The following NAV3 variants were observed in gnomAD, a reference collection of about 807,000 sequenced individuals.
The protein encoded by NAV3 is pore membrane and/or filament interacting like protein 1.
A neutral mutation model predicts 244.7 loss-of-function variants in NAV3; 87 were observed. That is an observed-to-expected ratio of 0.36 (90% confidence interval 0.30 to 0.42). NAV3 has a LOEUF of 0.42. NAV3 is among the 20% of genes least tolerant of loss of function. The pLI is 1.00. For missense variants in NAV3, 2,663 were observed against 2,893.3 expected (o/e 0.92, Z 1.83); for synonymous variants, 1,126 against 1,042.2 (o/e 1.08, Z -1.55).
intron 2 of NAV3, among the ~76,000 whole-genome samples, chr12:77,825,173 C>T (rs1872923601): frequency 1.3e-5 from 2 of 152,148 alleles, no homozygotes; most frequent in South Asian, 2.1e-4. Flanking sequence ...CAAACAAAAG[C>T]TGAGACAGTT....
intron 1 of NAV3, among the ~76,000 whole-genome samples, chr12:77,879,739 A>C (rs1242715614): frequency 6.6e-6 from 1 of 151,108 alleles, no homozygotes; most frequent in African/African-American, 2.4e-5. Flanking sequence ...AAAACTATCT[A>C]CAAGTACTAT....
At chr12:78,111,637 A>T (rs1340472187) in intron 12 of NAV3, among the ~76,000 whole-genome samples, 1 of 152,168 alleles carries the variant, frequency 6.6e-6, no homozygotes, top group African/African-American at 2.4e-5. Context: ...TGAAATTCTC[A>T]TTCCTTGTGG....
chr12:77,947,722 A>G (rs1481308064), intron 3 of NAV3, among the ~76,000 whole-genome samples: 1 of 152,012 alleles, frequency 6.6e-6, no homozygotes, highest in Non-Finnish European at 1.5e-5. Flanking sequence ...ATTTTTCTTA[A>G]TGATTTCATT....
intron 39 of NAV3, among the ~76,000 whole-genome samples, chr12:78,205,741 A>C (rs935533133): frequency 7.2e-5 from 11 of 152,174 alleles, no homozygotes; most frequent in Admixed American, 3.9e-4. Context: ...AGGAAAAAAA[A>C]CACTTTTTAT....
chr12:77,920,094 T>A (rs1887560205), intron 1 of NAV3, among the ~76,000 whole-genome samples: 1 of 152,102 alleles, frequency 6.6e-6, no homozygotes, highest in African/African-American at 2.4e-5. Context: ...TGGTTAATAA[T>A]CCGGGTTCTG....
At chr12:78,086,331 C>T (rs542033466) in intron 12 of NAV3, among the ~76,000 whole-genome samples, 13 of 151,972 alleles carry the variant, frequency 8.6e-5, no homozygotes, top group Non-Finnish European at 1.9e-4. Flanking sequence ...TTATTGACAA[C>T]TTAATAAGAA....
Position 78,175,398 on chromosome 12 carries a change from G to A in NAV3, c.5074G>A (p.Asp1692Asn), listed in dbSNP as rs768311234. 37 of 1,610,968 alleles carry A rather than the reference G, an allele frequency of 2.3e-5. No homozygotes were observed. Among genetic ancestry groups the A allele is most frequent in the Middle Eastern group, 1.6e-4 (1 of 6,066 alleles). Reference sequence around the variant, plus strand: ...CAGTATTGGCAGTGGTAATGATGCCGACTCCAAGAAGAAGAAAAAGAAAAA... The same window carrying A: ...CAGTATTGGCAGTGGTAATGATGCCAACTCCAAGAAGAAGAAAAAGAAAAA... ...HSSIGSGNDADSKKKKKKNWV... is the reference protein window; with the variant it reads ...HSSIGSGNDANSKKKKKKNWV... Residue 1692 changes from aspartate to asparagine, a missense_variant, in exon 25 of 40, where the codon GAC becomes AAC. Physicochemically the swap from Asp to Asn is conservative, Grantham distance 23 (BLOSUM62 1). Transcript: ENST00000397909.
chr12:78,159,155 A>G (rs1957422196), intron 22 of NAV3, 48 bp from the exon 23 acceptor site: 2 of 1,517,760 alleles, frequency 1.3e-6, no homozygotes, highest in Non-Finnish European at 1.8e-6. Flanking sequence ...TCATCCATCC[A>G]CATAAGATTC....
In NAV3 at chr12:77,741,547, C is replaced by G. The variant is rs1868338479; in HGVS notation, c.72+169281C>G. Among the ~76,000 whole-genome samples, 2 of 152,142 alleles carry G rather than the reference C, an allele frequency of 1.3e-5. 1 individual carries two copies. The highest frequency in any genetic ancestry group is 1.3e-4 in the Admixed American group (2 of 15,264). ...TCACTGCCAGTATTCTATGCCCCTA[C>G]TTCCTTATTCAAGACTTGTCAGTTT... On this transcript the variant is annotated intron_variant, in intron 2 of 8. Transcript: ENST00000550042.
At chr12:77,991,681 C>A (rs556126060) in intron 5 of NAV3, among the ~76,000 whole-genome samples, 1 of 152,244 alleles carries the variant, frequency 6.6e-6, no homozygotes, top group African/African-American at 2.4e-5. Context: ...GAGATAAAAA[C>A]CCCTCTTGTC....
chr12:77,782,746 G>A (rs1870727694), intron 2 of NAV3, among the ~76,000 whole-genome samples: 1 of 152,124 alleles, frequency 6.6e-6, no homozygotes, highest in Admixed American at 6.5e-5. Flanking sequence ...AAATCCTAGT[G>A]AGCTTAAAGT....
intron 5 of NAV3, among the ~76,000 whole-genome samples, chr12:77,978,007 G>A (rs374322391): frequency 4.8e-4 from 73 of 152,052 alleles, no homozygotes; most frequent in African/African-American, 1.6e-3. Flanking sequence ...TGTTCAGATC[G>A]TTGGTTTTGG....
intron 1 of NAV3, among the ~76,000 whole-genome samples, chr12:77,904,953 T>TA (rs4017094): frequency 0.023 from 3,443 of 148,662 alleles, 114 homozygotes; most frequent in African/African-American, 0.079. Context: ...GTATCTTATT[T>TA]AAAAAAAAAA....
chr12:77,652,875 G>C (rs1872890209), intron 2 of NAV3, among the ~76,000 whole-genome samples: 1 of 152,226 alleles, frequency 6.6e-6, no homozygotes, highest in Non-Finnish European at 1.5e-5. Flanking sequence ...ATGTGTCTGT[G>C]AAGTGAAAGC....
intron 2 of NAV3, among the ~76,000 whole-genome samples, chr12:77,599,768 A>G (rs923632579): frequency 4.6e-5 from 7 of 151,954 alleles, no homozygotes; most frequent in African/African-American, 1.7e-4. Flanking sequence ...TATTAAAATC[A>G]GGTTTTCTTC....
chr12:77,853,085 T>C (rs1290463735), intron 1 of NAV3, among the ~76,000 whole-genome samples: 1 of 152,224 alleles, frequency 6.6e-6, no homozygotes, highest in Non-Finnish European at 1.5e-5. Flanking sequence ...TTGTACCAGA[T>C]TGCTTTCTTA....
chr12:77,812,196 A>G (rs1341890464), intron 2 of NAV3, among the ~76,000 whole-genome samples: 6 of 152,158 alleles, frequency 3.9e-5, no homozygotes, highest in Admixed American at 6.5e-5. Flanking sequence ...TTTAGCTTCT[A>G]TTCCTTCAAC....
intron 2 of NAV3, among the ~76,000 whole-genome samples, chr12:77,818,614 T>C (rs12818941): frequency 0.27 from 41,726 of 151,960 alleles, 6,658 homozygotes; most frequent in South Asian, 0.4. Context: ...AATGACCTCA[T>C]GTAAATGTTA....
intron 3 of NAV3, among the ~76,000 whole-genome samples, chr12:77,955,429 A>G (rs1891275768): frequency 6.6e-6 from 1 of 152,216 alleles, no homozygotes; most frequent in South Asian, 2.1e-4. Flanking sequence ...CCTTGGGCAT[A>G]GCAATTCAGT....
Sources: gnomAD v4.1 joint callset for allele counts (sites outside exome capture counted in the v4.1 genomes callset) on GRCh38, gnomAD v4.1.1 for gene constraint, MANE v1.5 for transcripts, NCBI Gene and HGNC (gene_info 2026-07-23, HGNC 2026-07-21) for gene names.